The following DGLUCY variants were observed in gnomAD, a reference collection of about 807,000 sequenced individuals.
DGLUCY encodes D-glutamate cyclase.
DGLUCY carries 58 observed loss-of-function variants against 58.5 expected under a neutral mutation model. The ratio of observed to expected loss-of-function variants is 0.99; its 90% CI spans 0.80 to 1.23. The LOEUF is 1.23. Among genes scored for constraint, DGLUCY ranks in the 50% most tolerant of loss-of-function variants. The pLI, the probability that DGLUCY is intolerant of heterozygous loss-of-function variation, is 0.00. For synonymous variants in DGLUCY, 325 were observed against 314.1 expected (o/e 1.03, Z -0.37); for missense variants, 779 against 784.7 (o/e 0.99, Z 0.09).
rs140117635 is a variant in DGLUCY at position 91,115,379 on chromosome 14, G to A, written c.-82+1096G>A. 9.5e-4 allele frequency among the ~76,000 whole-genome samples: 145 copies of A among 152,238 alleles called. 1 individual carries two copies. Among genetic ancestry groups the A allele is most frequent in the African/African-American group, 3.4e-3 (142 of 41,552 alleles). On this transcript the variant is annotated intron_variant, in intron 1 of 13. Coordinates refer to ENST00000256324, the MANE Select transcript of DGLUCY (RefSeq NM_001102368.3). ...CAGGGCAGGGTGGAGTTAACTGAAAGAAGGCTAAACTGTGGCTTGTACATA... is the reference window on the plus strand; with the variant it reads ...CAGGGCAGGGTGGAGTTAACTGAAAAAAGGCTAAACTGTGGCTTGTACATA...
intron 1 of DGLUCY, among the ~76,000 whole-genome samples, chr14:91,089,406 C>A (rs2044272768): frequency 6.6e-6 from 1 of 152,236 alleles, no homozygotes; most frequent in African/African-American, 2.4e-5. Flanking sequence ...GTCTGACTTT[C>A]CTGTAGTTCT....
chr14:91,161,905 G>A (rs867886895), intron 3 of DGLUCY, among the ~76,000 whole-genome samples: 5 of 150,954 alleles, frequency 3.3e-5, no homozygotes, highest in African/African-American at 1.2e-4. Flanking sequence ...CAAGGTATTA[G>A]TCTACAGCAA....
At chr14:91,089,860 C>T (rs1404278964) in intron 1 of DGLUCY, among the ~76,000 whole-genome samples, 3 of 150,710 alleles carry the variant, frequency 2.0e-5, no homozygotes, top group East Asian at 1.9e-4. Flanking sequence ...CTACTATGTA[C>T]CCACAAAAAT....
chr14:91,214,292 T>C (rs1886177845), intron 12 of DGLUCY, among the ~76,000 whole-genome samples: 1 of 152,174 alleles, frequency 6.6e-6, no homozygotes, highest in Non-Finnish European at 1.5e-5. Flanking sequence ...CTCTAGCACT[T>C]ATTGCTTACC....
intron 6 of DGLUCY, 34 bp from the exon 7 acceptor site, chr14:91,175,900 C>T (rs1476362877): frequency 6.2e-7 from 1 of 1,611,508 alleles, no homozygotes. Context: ...ATGCTCCCTG[C>T]TGAGGAAATT....
chr14:91,123,082 C>T (rs761216210), intron 1 of DGLUCY, among the ~76,000 whole-genome samples: 22 of 152,080 alleles, frequency 1.4e-4, no homozygotes, highest in Admixed American at 3.3e-4. Context: ...AAGAGTTGCT[C>T]GCTGTGCTCA....
chr14:91,223,076 A>C (rs149841834), intron 13 of DGLUCY, among the ~76,000 whole-genome samples: 9 of 152,394 alleles, frequency 5.9e-5, no homozygotes, highest in Non-Finnish European at 1.2e-4. Flanking sequence ...ATTGAGGATT[A>C]GGTTCAACAT....
chr14:91,137,403 T>C (rs950029810), intron 1 of DGLUCY, among the ~76,000 whole-genome samples: 14 of 151,950 alleles, frequency 9.2e-5, no homozygotes, highest in Non-Finnish European at 1.9e-4. Flanking sequence ...TTTTTTTTTT[T>C]TGAGACGGAG....
At chr14:91,153,234 G>A (rs1409914719) in intron 1 of DGLUCY, among the ~76,000 whole-genome samples, 1 of 152,152 alleles carries the variant, frequency 6.6e-6, no homozygotes, top group East Asian at 1.9e-4. Flanking sequence ...CCAGGCTGGA[G>A]TGCAGTGGCG....
intron 1 of DGLUCY, among the ~76,000 whole-genome samples, chr14:91,115,907 C>T (rs998037269): frequency 7.2e-5 from 11 of 152,222 alleles, no homozygotes; most frequent in Admixed American, 6.5e-4. Flanking sequence ...CCAAAGTCCC[C>T]ACCTCTCCTG....
Position 91,199,752 on chromosome 14 carries a change from G to A in DGLUCY, c.1296-5G>A, listed in dbSNP as rs146070971. ...CTCTGACCTCTGACCTTTGCTTCCC[G>A]GCAGATTTGACCACCTGGTGGCCAT... On this transcript the variant is annotated splice_polypyrimidine_tract_variant and splice_region_variant and intron_variant, in intron 10 of 13. Coordinates refer to ENST00000256324, the MANE Select transcript of DGLUCY (RefSeq NM_001102368.3). The A allele has an allele frequency of 7.0e-5, 113 of 1,613,932 alleles. No individual in the cohort carries two copies. The highest frequency in any genetic ancestry group is 5.1e-4 in the African/African-American group (38 of 75,028).
At chr14:91,111,024 G>C (rs1339545475), upstream of DGLUCY, among the ~76,000 whole-genome samples, 3 of 152,056 alleles carry the variant, frequency 2.0e-5, no homozygotes, top group Non-Finnish European at 4.4e-5. Flanking sequence ...GCTGATTTCA[G>C]TTGGCTTAAC....
At chr14:91,169,979 C>T (rs765460929) in intron 4 of DGLUCY, 24 bp from the exon 5 acceptor site, 1 of 1,609,278 alleles carries the variant, frequency 6.2e-7, no homozygotes, top group Non-Finnish European at 8.5e-7. Flanking sequence ...TGGGGCCCTC[C>T]CAGCTTTCCC....
At chr14:91,125,408 G>C (rs1405456748) in intron 1 of DGLUCY, 1 of 152,266 alleles carries the variant, frequency 6.6e-6, no homozygotes, top group African/African-American at 2.4e-5. Context: ...AGATAGATCT[G>C]TGTTTAGGTA....
intron 9 of DGLUCY, among the ~76,000 whole-genome samples, chr14:91,194,888 A>G (rs573410252): frequency 3.0e-4 from 45 of 152,260 alleles, no homozygotes; most frequent in African/African-American, 1.0e-3. Context: ...CCTCATGCCA[A>G]CTTGCCCCAT....
At chr14:91,142,592 T>C (rs12880762) in intron 1 of DGLUCY, among the ~76,000 whole-genome samples, 89,062 of 151,708 alleles carry the variant, frequency 0.59, 26,720 homozygotes, top group East Asian at 0.92. Context: ...TGAATTTGCC[T>C]GAAGAGGTAT....
chr14:91,222,560 C>T (rs1350691866), intron 13 of DGLUCY, among the ~76,000 whole-genome samples: 1 of 152,078 alleles, frequency 6.6e-6, no homozygotes, highest in Non-Finnish European at 1.5e-5. Context: ...TTAGGGCCTC[C>T]CTCCTACAGA....
rs56007896 is a variant in DGLUCY, at chr14:91,207,849, C to T, written c.1564+3024C>T. 8.1e-3 allele frequency among the ~76,000 whole-genome samples: 1,233 copies of T among 152,184 alleles called. 12 individuals are homozygous for T. The highest frequency in any genetic ancestry group is 0.028 in the African/African-American group (1,175 of 41,524). Reference sequence around the variant, plus strand: ...ACAGCCTCCTCCTCCCAAGTTCAAGCGATTCTCCTGCCTCAGCCTCCCGAG... The same window carrying T: ...ACAGCCTCCTCCTCCCAAGTTCAAGTGATTCTCCTGCCTCAGCCTCCCGAG... On this transcript the variant is annotated intron_variant, in intron 12 of 13. Coordinates refer to ENST00000256324, the MANE Select transcript of DGLUCY (RefSeq NM_001102368.3).
At chr14:91,163,505 G>A (rs762739471) in intron 3 of DGLUCY, among the ~76,000 whole-genome samples, 2 of 152,164 alleles carry the variant, frequency 1.3e-5, no homozygotes, top group Admixed American at 1.3e-4. Flanking sequence ...GCACTGTAGC[G>A]ACTGTGATAA....
Sources: allele counts gnomAD v4.1 joint callset (sites outside exome capture counted in the v4.1 genomes callset), GRCh38; gene constraint gnomAD v4.1.1; transcripts MANE v1.5; gene names NCBI Gene and HGNC (gene_info 2026-07-23, HGNC 2026-07-21).